NAA25: variants seen among roughly 807,000 people sequenced by gnomAD.
The protein encoded by NAA25 is N-alpha-acetyltransferase 25, NatB auxiliary subunit, also known as N-terminal acetyltransferase B complex subunit NAA25.
Under a neutral mutation model 132.5 loss-of-function variants are expected in NAA25, and 30 were observed. The observed-to-expected ratio is 0.23, with a 90% CI of 0.17 to 0.31. NAA25 has a LOEUF of 0.31. Ranked by LOEUF, NAA25 falls within the 10% of genes least tolerant of loss-of-function variation. The probability of loss-of-function intolerance (pLI) is 1.00; values close to 1 mark genes in which losing one functional copy is unlikely to be tolerated. For missense variants in NAA25, 771 were observed against 1,150.4 expected (o/e 0.67, Z 4.77); for synonymous variants, 359 against 401.9 (o/e 0.89, Z 1.28).
chr12:112,040,275 AC>A lies in NAA25; in HGVS notation c.2538+205del, dbSNP rs550350424. On this transcript the variant is annotated intron_variant, in intron 21 of 23. Coordinates refer to ENST00000261745, the MANE Select transcript of NAA25 (RefSeq NM_024953.4). Reference sequence around the variant, plus strand: ...AGTACAGCAAATTTCAAGAAGTTTTACCTAAGTATTATGAATGAAATCATCT... The same window carrying A: ...AGTACAGCAAATTTCAAGAAGTTTTACTAAGTATTATGAATGAAATCATCT... 15 of 433,728 alleles carry A rather than the reference AC, an allele frequency of 3.5e-5. No homozygotes were observed. The South Asian group carries it at 4.9e-4, about 14-fold the overall frequency. 26.9% of individuals were successfully genotyped at this position (433,728 alleles called of 1,614,324 possible). A position where few individuals can be genotyped will look rare whatever the true frequency, so the allele number is the denominator to read the frequency against.
chr12:112,103,855 C>T (rs772610620), intron 1 of NAA25, among the ~76,000 whole-genome samples: 18 of 152,274 alleles, frequency 1.2e-4, no homozygotes, highest in Non-Finnish European at 2.4e-4. Context: ...GCGCCAACCT[C>T]GATTCCTCAC....
At chr12:112,091,087 G>C (rs973078410) in intron 2 of NAA25, among the ~76,000 whole-genome samples, 4 of 151,936 alleles carry the variant, frequency 2.6e-5, no homozygotes, top group Admixed American at 6.6e-5. Flanking sequence ...GGGCAACGTG[G>C]TGAGACTCCA....
intron 1 of NAA25, among the ~76,000 whole-genome samples, chr12:112,095,768 T>A (rs773149258): frequency 6.6e-6 from 1 of 152,072 alleles, no homozygotes; most frequent in Non-Finnish European, 1.5e-5. Context: ...TACATGGCAT[T>A]CTGGAAAAGG....
chr12:112,074,786 C>T (rs2078871575), intron 8 of NAA25, 22 bp from the exon 9 acceptor site: 4 of 1,503,678 alleles, frequency 2.7e-6, no homozygotes, highest in Non-Finnish European at 3.7e-6. Flanking sequence ...TTGAATGATG[C>T]ACACAGGATT....
At chr12:112,033,583 G>A in intron 22 of NAA25, 1 of 352,610 alleles carries the variant, frequency 2.8e-6, no homozygotes, top group East Asian at 4.5e-5. Flanking sequence ...ATTTCCGATA[G>A]ATTAAATACT....
chr12:112,090,616 C>T, intron 3 of NAA25, 110 bp downstream of exon 3: 1 of 1,092,360 alleles, frequency 9.2e-7, no homozygotes, highest in South Asian at 1.6e-5. Context: ...CGTTATTCTA[C>T]CTACTGTATC....
intron 15 of NAA25, among the ~76,000 whole-genome samples, chr12:112,051,496 A>G (rs936966347): frequency 2.0e-5 from 3 of 152,184 alleles, no homozygotes; most frequent in African/African-American, 7.2e-5. Flanking sequence ...AGCGTGAGCC[A>G]CTGTGCCCAG....
intron 22 of NAA25, among the ~76,000 whole-genome samples, chr12:112,038,701 C>G (rs141706235): frequency 6.6e-6 from 1 of 152,188 alleles, no homozygotes; most frequent in Non-Finnish European, 1.5e-5. Flanking sequence ...TAATGTTGGC[C>G]AGGTGCAGTG....
At chr12:112,048,527 T>C in intron 15 of NAA25, 84 bp from the exon 16 acceptor site, 1 of 1,152,546 alleles carries the variant, frequency 8.7e-7, no homozygotes, top group Non-Finnish European at 1.3e-6. Flanking sequence ...AACAAAACAC[T>C]CAAACTAAAA....
intron 1 of NAA25, among the ~76,000 whole-genome samples, chr12:112,097,600 C>A (rs1196543127): frequency 1.4e-5 from 2 of 144,936 alleles, no homozygotes; most frequent in Admixed American, 1.4e-4. Flanking sequence ...GAGCGAGACT[C>A]CGTCTCAAAA....
chr12:112,043,922 C>T (rs1447471396), intron 17 of NAA25, 54 bp from the exon 18 acceptor site: 2 of 1,498,386 alleles, frequency 1.3e-6, no homozygotes, highest in African/African-American at 1.4e-5. Flanking sequence ...CAATCCATTG[C>T]TTTCAATTTT....
chr12:112,054,864 A>G (rs993370212), intron 13 of NAA25, among the ~76,000 whole-genome samples: 3 of 152,308 alleles, frequency 2.0e-5, no homozygotes, highest in African/African-American at 7.2e-5. Context: ...GATTCTGGGA[A>G]GAGATGGACT....
chr12:112,063,010 T>A (rs1328581369), intron 11 of NAA25, among the ~76,000 whole-genome samples: 1 of 150,484 alleles, frequency 6.6e-6, no homozygotes, highest in Non-Finnish European at 1.5e-5. Flanking sequence ...CAGTGAGCCA[T>A]CATTGCGCCA....
rs1382540121 is a variant in NAA25 at position 112,090,852 on chromosome 12, T to C, written c.157A>G (p.Ile53Val). 1.2e-6 allele frequency: 2 copies of C among 1,604,694 alleles called. No individual in the cohort carries two copies. The highest frequency in any genetic ancestry group is 1.3e-5 in the African/African-American group (1 of 74,282). ...DLHCAKVLKA[I>V]GLQRTGKQEE... ...TGCTTTCCAGTTCTCTGTAAACCAA[T>C]TGCCTTTAAAACCTGATAGCAACAA... Residue 53 changes from isoleucine to valine, a missense_variant, in exon 3 of 24, where the codon ATT becomes GTT. Physicochemically the swap from Ile to Val is conservative, Grantham distance 29. Around this residue, in one of 3 missense-constraint regions of NAA25, gnomAD observed 417 missense variants for 733.8 expected, o/e 0.57. Coordinates refer to ENST00000261745, the MANE Select transcript of NAA25 (RefSeq NM_024953.4).
intron 15 of NAA25, among the ~76,000 whole-genome samples, chr12:112,052,060 C>T (rs1157289305): frequency 6.6e-6 from 1 of 152,134 alleles, no homozygotes. Context: ...AAGGAATCTT[C>T]AGTAAATCAA....
At chr12:112,086,656 A>G (rs2079061681) in intron 4 of NAA25, among the ~76,000 whole-genome samples, 1 of 152,154 alleles carries the variant, frequency 6.6e-6, no homozygotes, top group South Asian at 2.1e-4. Flanking sequence ...AGAATAAGAT[A>G]AAAATCCAAA....
chr12:112,055,731 G>GA (rs917560440), intron 13 of NAA25, among the ~76,000 whole-genome samples: 22 of 148,936 alleles, frequency 1.5e-4, no homozygotes, highest in African/African-American at 4.2e-4. Context: ...AAAAAAAAAA[G>GA]AAAAAAAAAT....
In NAA25 at chr12:112,049,778, G is replaced by C. The variant is rs970983079; in HGVS notation, c.1729-1335C>G. Among the ~76,000 whole-genome samples, 2 of 152,076 alleles carry C rather than the reference G, an allele frequency of 1.3e-5. No homozygotes were observed. Among genetic ancestry groups the C allele is most frequent in the Non-Finnish European group, 2.9e-5 (2 of 68,018 alleles). On this transcript the variant is annotated intron_variant, in intron 15 of 23. Transcript: ENST00000261745. This position sits in a 1 kb window ranked among gnomAD's most constrained non-coding sequence, Gnocchi z 4.7. ...AGGCCAGGATACTCTAAACACATAT[G>C]CCTATCCTATGGCCCCTTGGCTTAG...
intron 16 of NAA25, 80 bp from the exon 17 acceptor site, chr12:112,047,870 C>G: frequency 7.3e-7 from 1 of 1,361,204 alleles, no homozygotes; most frequent in African/African-American, 1.5e-5. Context: ...TCCTGTTTTA[C>G]TAGACAGGAA....
Sources: allele counts gnomAD v4.1 joint callset (sites outside exome capture counted in the v4.1 genomes callset), GRCh38; gene constraint gnomAD v4.1.1; regional missense constraint gnomAD v4.1.1; non-coding constraint Gnocchi (gnomAD v3.1); transcripts MANE v1.5; gene names NCBI Gene and HGNC (gene_info 2026-07-23, HGNC 2026-07-21).